FAM163A: variants seen among roughly 807,000 people sequenced by gnomAD.
FAM163A encodes protein FAM163A.
Under a neutral mutation model 12.0 loss-of-function variants are expected in FAM163A, and 7 were observed. The ratio of observed to expected loss-of-function variants is 0.58; its 90% CI spans 0.33 to 1.10. The LOEUF is 1.10. Ranked by LOEUF, FAM163A falls within the 50% of genes least tolerant of loss-of-function variation. The probability of loss-of-function intolerance (pLI) is 0.03; values close to 1 mark genes in which losing one functional copy is unlikely to be tolerated. For synonymous variants in FAM163A, 101 were observed against 91.0 expected (o/e 1.11, Z -0.62); for missense variants, 202 against 218.6 (o/e 0.92, Z 0.48).
chr1:179,752,253 G>T (rs560124054), intron 1 of FAM163A, among the ~76,000 whole-genome samples: 3 of 152,096 alleles, frequency 2.0e-5, no homozygotes, highest in East Asian at 3.9e-4. Context: ...CCATACAAAA[G>T]AATAAAATTG....
intron 1 of FAM163A, among the ~76,000 whole-genome samples, chr1:179,788,643 G>A (rs915725047): frequency 3.0e-4 from 46 of 152,174 alleles, no homozygotes; most frequent in African/African-American, 9.7e-4. Context: ...TCTCCAAAGC[G>A]GGGAAAATAA....
intron 1 of FAM163A, among the ~76,000 whole-genome samples, chr1:179,744,401 A>G (rs1428247599): frequency 6.6e-6 from 1 of 151,784 alleles, no homozygotes; most frequent in Non-Finnish European, 1.5e-5. Flanking sequence ...GGCTGCTGGG[A>G]CCCCGCCACC....
intron 1 of FAM163A, among the ~76,000 whole-genome samples, chr1:179,749,835 G>T (rs1421507023): frequency 2.0e-5 from 3 of 151,970 alleles, no homozygotes; most frequent in Non-Finnish European, 1.5e-5. Flanking sequence ...CTCCAGCCTG[G>T]GCAACAGAGT....
intron 1 of FAM163A, among the ~76,000 whole-genome samples, chr1:179,765,366 T>C (rs1173508072): frequency 6.6e-6 from 1 of 152,156 alleles, no homozygotes; most frequent in East Asian, 1.9e-4. Context: ...TCTAATAAGC[T>C]CCCAAAGATA....
intron 1 of FAM163A, among the ~76,000 whole-genome samples, chr1:179,769,966 C>T (rs923859406): frequency 6.2e-5 from 8 of 129,192 alleles, no homozygotes; most frequent in African/African-American, 2.5e-4. Flanking sequence ...AGTGCAGTGG[C>T]GTGATCTCGG....
At chr1:179,767,754 C>T (rs773555026) in intron 1 of FAM163A, among the ~76,000 whole-genome samples, 13 of 152,308 alleles carry the variant, frequency 8.5e-5, no homozygotes, top group Non-Finnish European at 1.8e-4. Context: ...GCCCTCCCAA[C>T]ACAGGTCAAT....
At chr1:179,799,626 C>T (rs1295825137) in intron 1 of FAM163A, among the ~76,000 whole-genome samples, 1 of 152,192 alleles carries the variant, frequency 6.6e-6, no homozygotes, top group Non-Finnish European at 1.5e-5. Flanking sequence ...AGGAGACAAA[C>T]AAGATGAAGC....
At chr1:179,737,778 A>G in the FAM163A span, among the ~76,000 whole-genome samples, 1 of 151,774 alleles carries the variant, frequency 6.6e-6, no homozygotes, top group Admixed American at 6.6e-5. Context: ...GAGCTTGCAG[A>G]GAGTGGAGAT....
upstream of FAM163A, chr1:179,742,439 C>T (rs1234119551): frequency 1.3e-5 from 2 of 152,376 alleles, no homozygotes; most frequent in Non-Finnish European, 2.9e-5. Flanking sequence ...GACCCCACCC[C>T]TCTGTCCTCG....
intron 1 of FAM163A, among the ~76,000 whole-genome samples, chr1:179,748,009 T>C (rs1414186796): frequency 6.6e-6 from 1 of 152,086 alleles, no homozygotes; most frequent in East Asian, 1.9e-4. Context: ...CTCATTGCTT[T>C]GGTCCAGACA....
chr1:179,774,768 A>G (rs1688719225), intron 1 of FAM163A, among the ~76,000 whole-genome samples: 1 of 152,176 alleles, frequency 6.6e-6, no homozygotes, highest in South Asian at 2.1e-4. Context: ...TTCCACCCGC[A>G]GACCCTGGAC....
intron 1 of FAM163A, among the ~76,000 whole-genome samples, chr1:179,802,516 C>T (rs1557967774): frequency 6.6e-6 from 1 of 152,214 alleles, no homozygotes; most frequent in Non-Finnish European, 1.5e-5. Context: ...CCATCATAAA[C>T]AGCCCAGCAA....
At chr1:179,796,728 C>T (rs1235943640) in intron 1 of FAM163A, among the ~76,000 whole-genome samples, 3 of 152,240 alleles carry the variant, frequency 2.0e-5, no homozygotes, top group African/African-American at 7.2e-5. Flanking sequence ...CAAGTCTGCA[C>T]AGCCCACAAG....
At chr1:179,801,126 G>A (rs1015663800) in intron 1 of FAM163A, among the ~76,000 whole-genome samples, 13 of 152,228 alleles carry the variant, frequency 8.5e-5, no homozygotes, top group African/African-American at 3.1e-4. Context: ...AGGCACATCT[G>A]GATGTATATT....
chr1:179,792,879 A>AAT (rs59009302), intron 1 of FAM163A, among the ~76,000 whole-genome samples: 1,932 of 149,054 alleles, frequency 0.013, 19 homozygotes, highest in East Asian at 0.038. Flanking sequence ...CAGATAATAA[A>AAT]ATATATATAT....
chr1:179,796,350 A>G (rs1692321563), intron 1 of FAM163A, among the ~76,000 whole-genome samples: 1 of 152,226 alleles, frequency 6.6e-6, no homozygotes, highest in African/African-American at 2.4e-5. Flanking sequence ...TGTGGGCTCC[A>G]TCTCTTCAAG....
chr1:179,748,336 T>G (rs1684801172), intron 1 of FAM163A, among the ~76,000 whole-genome samples: 2 of 152,262 alleles, frequency 1.3e-5, no homozygotes, highest in African/African-American at 4.8e-5. Flanking sequence ...AGAAGCTGGG[T>G]TGGGCTCTCA....
At chr1:179,807,951 G>A (rs926935159) in intron 2 of FAM163A, 63 bp downstream of exon 2, 1 of 152,372 alleles carries the variant, frequency 6.6e-6, no homozygotes, top group Non-Finnish European at 1.5e-5. Flanking sequence ...CCACCAGTGG[G>A]GAAGGAGCTT....
Position 179,814,835 on chromosome 1 carries a change from G to C in FAM163A, c.*646G>C, listed in dbSNP as rs1339843729. Reference sequence around the variant, plus strand: ...ATCTCACCTGCCCCCTTCCTCGTGGGACGTGTCAAGTTGACTTTAAAGCCT... The same window carrying C: ...ATCTCACCTGCCCCCTTCCTCGTGGCACGTGTCAAGTTGACTTTAAAGCCT... On this transcript the variant is annotated 3_prime_UTR_variant, in exon 5 of 5. Coordinates refer to ENST00000341785, the MANE Select transcript of FAM163A (RefSeq NM_173509.3). 1 of 152,312 alleles carries C rather than the reference G, an allele frequency of 6.6e-6. No individual in the cohort carries two copies. Among genetic ancestry groups the C allele is most frequent in the African/African-American group, 2.4e-5 (1 of 41,434 alleles). The allele number at this position is 152,312 out of a possible 1,614,324, so 9.4% of individuals were successfully genotyped here. A position where few individuals can be genotyped will look rare whatever the true frequency, so the allele number is the denominator to read the frequency against.
Sources: gnomAD v4.1 joint callset for allele counts (sites outside exome capture counted in the v4.1 genomes callset) on GRCh38, gnomAD v4.1.1 for gene constraint, MANE v1.5 for transcripts, NCBI Gene and HGNC (gene_info 2026-07-23, HGNC 2026-07-21) for gene names.